The following LIN9 variants were observed in gnomAD, a reference collection of about 807,000 sequenced individuals.
LIN9 encodes the protein protein lin-9 homolog.
A neutral mutation model predicts 78.0 loss-of-function variants in LIN9; 18 were observed. That is an observed-to-expected ratio of 0.23 (90% CI 0.16 to 0.34). The LOEUF (loss-of-function observed/expected upper bound fraction) is 0.34, where lower values mean the gene tolerates loss of function less well. LIN9 is among the 10% of genes least tolerant of loss of function. LIN9 has a pLI of 1.00. For synonymous variants in LIN9, 192 were observed against 215.2 expected (o/e 0.89, Z 0.94); for missense variants, 451 against 644.1 (o/e 0.70, Z 3.25).
At chr1:226,241,447 GTC>G (rs1422150272) in intron 11 of LIN9, among the ~76,000 whole-genome samples, 1 of 152,138 alleles carries the variant, frequency 6.6e-6, no homozygotes, top group Middle Eastern at 3.2e-3. Flanking sequence ...GGTGTCAAAA[GTC>G]TCTATCTTCA....
Position 226,297,797 on chromosome 1 carries a change from G to A in LIN9, c.81C>T (p.Asn27=). 6.3e-7 allele frequency: 1 copy of A among 1,580,182 alleles called. No individual in the cohort carries two copies. The highest frequency in any genetic ancestry group is 1.2e-5 in the South Asian group (1 of 84,174). ...AAGAACTGTACTTTTCATTCCACGT[G>A]TTAGATAAGCTTCCTTCTGTAATAA... ...LVSLKEGSLS[N]TWNEKYSSLQ... is the part of the protein sequence containing the mutation. Residue 27 remains asparagine, a synonymous_variant, in exon 3 of 15, where the codon AAC becomes AAT. Coordinates refer to ENST00000681046, the MANE Select transcript of LIN9 (RefSeq NM_001366245.2).
chr1:226,266,782 C>CTTTT (rs200745559), intron 8 of LIN9, among the ~76,000 whole-genome samples: 20 of 141,570 alleles, frequency 1.4e-4, no homozygotes, highest in African/African-American at 3.6e-4. Context: ...AAGCAATTTA[C>CTTTT]TTTTTTTTTT....
intron 10 of LIN9, among the ~76,000 whole-genome samples, chr1:226,263,308 G>C (rs565582817): frequency 1.6e-4 from 25 of 152,228 alleles, no homozygotes; most frequent in African/African-American, 5.3e-4. Flanking sequence ...GTTAATGAAA[G>C]TTCACTGACT....
intron 2 of LIN9, among the ~76,000 whole-genome samples, chr1:226,300,363 C>T (rs1268068571): frequency 6.6e-6 from 1 of 151,916 alleles, no homozygotes; most frequent in Non-Finnish European, 1.5e-5. Flanking sequence ...CCAGCCTGGG[C>T]AACAAAGTGA....
chr1:226,269,664 A>G (rs1328335454), intron 7 of LIN9, among the ~76,000 whole-genome samples: 1 of 152,168 alleles, frequency 6.6e-6, no homozygotes, highest in East Asian at 1.9e-4. Context: ...ACAGCCAGAA[A>G]TTTAACAGGG....
In LIN9 at chr1:226,232,350, G is replaced by A; in HGVS notation, c.*151C>T. ...ATGCTGGTCAGCAATGCTGGTTTAA[G>A]AAGCAGTACAGTCTATTAAAATGCC... On this transcript the variant is annotated 3_prime_UTR_variant, in exon 15 of 15. Transcript: ENST00000681046. 2.3e-6 allele frequency: 1 copy of A among 442,520 alleles called. No homozygotes were observed. The highest frequency in any genetic ancestry group is 4.0e-6 in the Non-Finnish European group (1 of 250,136). 27.4% of individuals were successfully genotyped at this position (442,520 alleles called of 1,614,324 possible).
At chr1:226,307,585 G>A (rs759767725) in intron 1 of LIN9, among the ~76,000 whole-genome samples, 7 of 152,160 alleles carry the variant, frequency 4.6e-5, no homozygotes, top group East Asian at 3.9e-4. Flanking sequence ...GCAATGAGCC[G>A]AGATAGTACC....
At chr1:226,276,208 G>T (rs1032438844) in intron 7 of LIN9, among the ~76,000 whole-genome samples, 2 of 152,120 alleles carry the variant, frequency 1.3e-5, no homozygotes, top group African/African-American at 4.8e-5. Flanking sequence ...CTAAAACAAT[G>T]AATTTCTAAG....
intron 7 of LIN9, 72 bp from the exon 8 acceptor site, chr1:226,268,162 C>G: frequency 7.0e-7 from 1 of 1,435,572 alleles, no homozygotes; most frequent in Non-Finnish European, 9.5e-7. Context: ...CTGTTCCAAG[C>G]ATGTAATTTA....
chr1:226,255,539 C>T (rs1659129832), intron 10 of LIN9, among the ~76,000 whole-genome samples: 2 of 151,796 alleles, frequency 1.3e-5, no homozygotes, highest in Non-Finnish European at 1.5e-5. Context: ...TTACAAGGTA[C>T]GCCAGGAGGC....
intron 4 of LIN9, among the ~76,000 whole-genome samples, chr1:226,294,594 A>G (rs898082986): frequency 6.6e-6 from 1 of 152,078 alleles, no homozygotes; most frequent in Non-Finnish European, 1.5e-5. Flanking sequence ...CAAAAAAAAA[A>G]AAACCTAATG....
rs1658790062 is a variant in LIN9 at position 226,250,882 on chromosome 1, T to C, written c.1076A>G (p.His359Arg). The change falls in exon 11 of 15, where the codon CAT (histidine) becomes CGT (arginine). Residue 359 changes from histidine to arginine, a missense_variant. By Grantham distance (29) the His-to-Arg change is conservative (BLOSUM62 0). Transcript: ENST00000681046. ...LSKILMIKKEHIKKLREMNTE... is the reference protein window; with the variant it reads ...LSKILMIKKERIKKLREMNTE... ...GTTCATTTCCCTTAATTTCTTGATA[T>C]GTTCCTTTTTAATCATGAGAATTTT... is the stretch of plus-strand genomic sequence containing the variant. 1 of 1,544,666 alleles carries C rather than the reference T, an allele frequency of 6.5e-7. No individual in the cohort carries two copies. Among genetic ancestry groups the C allele is most frequent in the Non-Finnish European group, 8.9e-7 (1 of 1,127,082 alleles).
intron 10 of LIN9, among the ~76,000 whole-genome samples, chr1:226,260,954 A>G (rs988890234): frequency 6.6e-6 from 1 of 151,732 alleles, no homozygotes; most frequent in Non-Finnish European, 1.5e-5. Flanking sequence ...CCCAAGTGAG[A>G]TTTACCTGAA....
rs1162467152 is a variant in LIN9, at chr1:226,266,232, G to T, written c.917C>A (p.Pro306His). 1.9e-6 allele frequency: 3 copies of T among 1,583,038 alleles called. No individual in the cohort carries two copies. The highest frequency in any genetic ancestry group is 2.6e-6 in the Non-Finnish European group (3 of 1,160,858). The change falls in exon 9 of 15, where the codon CCT becomes CAT. Residue 306 changes from proline to histidine, a missense_variant. Transcript: ENST00000681046. ...MTPPRLHYTPPLQSPIIDNDP... is the reference protein window; with the variant it reads ...MTPPRLHYTPHLQSPIIDNDP... ...ACTTACTATAATTGGTGACTGGAGAGGAGGAGTATAATGTAACCGTGGTGG... is the reference window on the plus strand; with the variant it reads ...ACTTACTATAATTGGTGACTGGAGATGAGGAGTATAATGTAACCGTGGTGG...
chr1:226,255,195 T>C (rs530376658), intron 10 of LIN9, among the ~76,000 whole-genome samples: 2 of 152,282 alleles, frequency 1.3e-5, no homozygotes, highest in South Asian at 4.1e-4. Flanking sequence ...TCCAGGGGCT[T>C]AATCTGGTTC....
intron 12 of LIN9, among the ~76,000 whole-genome samples, chr1:226,235,255 G>A (rs71646774): frequency 0.029 from 4,318 of 149,356 alleles, 86 homozygotes; most frequent in Non-Finnish European, 0.045. Context: ...CCCGGAGGCA[G>A]AGGTTGCAGT....
At chr1:226,290,605 G>C (rs1269365804) in intron 4 of LIN9, among the ~76,000 whole-genome samples, 1 of 152,086 alleles carries the variant, frequency 6.6e-6, no homozygotes, top group East Asian at 1.9e-4. Context: ...CTCCCAAAGT[G>C]CTGGGATTAC....
At chr1:226,297,455 T>C (rs1354374787) in intron 3 of LIN9, among the ~76,000 whole-genome samples, 2 of 152,212 alleles carry the variant, frequency 1.3e-5, no homozygotes, top group African/African-American at 4.8e-5. Flanking sequence ...TTTTTGCGTA[T>C]CTAATAAAAG....
intron 8 of LIN9, among the ~76,000 whole-genome samples, chr1:226,267,121 T>G (rs573598995): frequency 3.3e-5 from 5 of 151,808 alleles, no homozygotes; most frequent in East Asian, 1.9e-4. Flanking sequence ...CTTTCATCCT[T>G]TAATGTAAAA....
Sources: allele counts gnomAD v4.1 joint callset (sites outside exome capture counted in the v4.1 genomes callset), GRCh38; gene constraint gnomAD v4.1.1; transcripts MANE v1.5; gene names NCBI Gene and HGNC (gene_info 2026-07-23, HGNC 2026-07-21).